PDZRN3: variants seen among roughly 807,000 people sequenced by gnomAD.
PDZRN3 encodes E3 ubiquitin-protein ligase PDZRN3.
PDZRN3 carries 38 observed loss-of-function variants against 85.7 expected under a neutral mutation model. That is an observed-to-expected ratio of 0.44 (90% CI 0.34 to 0.58). The LOEUF is 0.58. Among genes scored for constraint, PDZRN3 ranks in the 20% least tolerant of loss-of-function variants. The pLI, the probability that PDZRN3 is intolerant of heterozygous loss-of-function variation, is 0.01. For missense variants in PDZRN3, 1,629 were observed against 1,506.4 expected (o/e 1.08, Z -1.35); for synonymous variants, 759 against 638.0 (o/e 1.19, Z -2.86).
intron 3 of PDZRN3, among the ~76,000 whole-genome samples, chr3:73,470,058 T>G (rs1367397913): frequency 6.6e-6 from 1 of 152,174 alleles, no homozygotes; most frequent in Non-Finnish European, 1.5e-5. Flanking sequence ...TATTAAATGT[T>G]CCTTGGGGGC....
intron 3 of PDZRN3, among the ~76,000 whole-genome samples, chr3:73,503,957 C>T (rs1331117355): frequency 1.3e-5 from 2 of 152,120 alleles, no homozygotes; most frequent in African/African-American, 2.4e-5. Context: ...CGTAACTCAG[C>T]GAAACAGAAA....
At chr3:73,600,337 A>ACTCTCTCTCTCTCTCTCTCT (rs1553706426) in intron 3 of PDZRN3, among the ~76,000 whole-genome samples, 3 of 100,052 alleles carry the variant, frequency 3.0e-5, no homozygotes, top group African/African-American at 8.6e-5. Context: ...ACACACACAC[A>ACTCTCTCTCTCTCTCTCTCT]CTCTCTCTCT....
chr3:73,449,769 T>C (rs919414645), intron 3 of PDZRN3, among the ~76,000 whole-genome samples: 4 of 152,256 alleles, frequency 2.6e-5, no homozygotes, highest in African/African-American at 7.2e-5. Context: ...TTTATTCTTA[T>C]GGCACAGGCT....
chr3:73,551,853 TTTTA>T (rs1387166290), intron 3 of PDZRN3, among the ~76,000 whole-genome samples: 1 of 152,028 alleles, frequency 6.6e-6, no homozygotes, highest in Non-Finnish European at 1.5e-5. Context: ...CTGCATGTGA[TTTTA>T]TTTATTTTTC....
At chr3:73,441,142 C>T (rs896598843) in intron 3 of PDZRN3, among the ~76,000 whole-genome samples, 1 of 152,028 alleles carries the variant, frequency 6.6e-6, no homozygotes. Flanking sequence ...CGGCTGGGAG[C>T]GGTGGCTCAC....
At chr3:73,418,937 A>G (rs548399636) in intron 3 of PDZRN3, among the ~76,000 whole-genome samples, 2 of 152,308 alleles carry the variant, frequency 1.3e-5, no homozygotes, top group African/African-American at 4.8e-5. Context: ...ACAGTTCTGA[A>G]ATCTTTTCTT....
intron 3 of PDZRN3, among the ~76,000 whole-genome samples, chr3:73,586,137 A>G (rs1182826323): frequency 6.6e-6 from 1 of 152,254 alleles, no homozygotes; most frequent in East Asian, 1.9e-4. Context: ...TTTTTTAAAA[A>G]GAGCAAAATC....
At chr3:73,453,414 A>C (rs1278967937) in intron 3 of PDZRN3, among the ~76,000 whole-genome samples, 2,794 of 136,570 alleles carry the variant, frequency 0.02, 86 homozygotes, top group African/African-American at 0.067. Context: ...CAAAAAAAAA[A>C]AAAAAAAAAC....
intron 3 of PDZRN3, among the ~76,000 whole-genome samples, chr3:73,528,908 A>G (rs962825400): frequency 1.3e-5 from 2 of 150,908 alleles, no homozygotes; most frequent in Admixed American, 6.6e-5. Flanking sequence ...ACACACACAC[A>G]CACACACACG....
At chr3:73,473,149 G>A (rs1169633037) in intron 3 of PDZRN3, among the ~76,000 whole-genome samples, 1 of 152,154 alleles carries the variant, frequency 6.6e-6, no homozygotes, top group Non-Finnish European at 1.5e-5. Flanking sequence ...AGTGAACTCT[G>A]TGTATATATT....
At chr3:73,554,971 C>T (rs558831670) in intron 3 of PDZRN3, among the ~76,000 whole-genome samples, 2 of 152,214 alleles carry the variant, frequency 1.3e-5, no homozygotes, top group Non-Finnish European at 2.9e-5. Context: ...CCCTCAGTGG[C>T]AGGGAAGGGA....
intron 3 of PDZRN3, among the ~76,000 whole-genome samples, chr3:73,561,294 C>A (rs1701809241): frequency 6.6e-6 from 1 of 152,208 alleles, no homozygotes; most frequent in Non-Finnish European, 1.5e-5. Flanking sequence ...ACCTTTCAAC[C>A]ATTAGGGCTC....
chr3:73,540,080 G>A (rs1704879557), intron 3 of PDZRN3, among the ~76,000 whole-genome samples: 1 of 85,306 alleles, frequency 1.2e-5, no homozygotes, highest in Non-Finnish European at 2.1e-5. Context: ...TCTGAAAACT[G>A]TTGGATGAAA....
At chr3:73,610,054 C>T (rs577243110) in intron 1 of PDZRN3, among the ~76,000 whole-genome samples, 9 of 152,280 alleles carry the variant, frequency 5.9e-5, no homozygotes, top group Admixed American at 1.3e-4. Context: ...CCCTTTCTCA[C>T]GAGTAGTTAT....
In PDZRN3 at chr3:73,383,430, G is replaced by A. The variant is rs748499778; in HGVS notation, c.3136C>T (p.His1046Tyr). 3 of 1,614,010 alleles carry A rather than the reference G, an allele frequency of 1.9e-6. No homozygotes were observed. The South Asian group carries it at 3.3e-5, about 18-fold the overall frequency. Residue 1046 changes from histidine to tyrosine, a missense_variant, in exon 10 of 10, where the codon CAC becomes TAC. By Grantham distance (83) the His-to-Tyr change is moderately conservative. Transcript: ENST00000263666. ...NWMTIQELLT[H>Y]GTKSPDGTRV... ...GTGCCGTCCGGGGATTTTGTGCCGT[G>A]GGTTAAGAGTTCTTGGATCGTCATC...
intron 3 of PDZRN3, among the ~76,000 whole-genome samples, chr3:73,472,117 A>C: frequency 6.6e-6 from 1 of 152,232 alleles, no homozygotes; most frequent in Non-Finnish European, 1.5e-5. Flanking sequence ...TAGCAAAGCA[A>C]TGCAGAAAAC....
intron 3 of PDZRN3, among the ~76,000 whole-genome samples, chr3:73,517,680 C>T (rs1000896051): frequency 6.6e-6 from 1 of 152,124 alleles, no homozygotes; most frequent in African/African-American, 2.4e-5. Flanking sequence ...CTGTAATTTA[C>T]ACATCTGCTT....
intron 3 of PDZRN3, among the ~76,000 whole-genome samples, chr3:73,542,324 T>C (rs1313908180): frequency 6.6e-6 from 1 of 152,194 alleles, no homozygotes; most frequent in African/African-American, 2.4e-5. Flanking sequence ...ATGGTTGCCA[T>C]GAGCAACGGC....
chr3:73,515,114 G>A (rs1704233216), intron 3 of PDZRN3, among the ~76,000 whole-genome samples: 1 of 151,000 alleles, frequency 6.6e-6, no homozygotes, highest in South Asian at 2.1e-4. Context: ...CAAAAGCCTA[G>A]GTGTCCTTTT....
Sources: allele counts gnomAD v4.1 joint callset (sites outside exome capture counted in the v4.1 genomes callset), GRCh38; gene constraint gnomAD v4.1.1; transcripts MANE v1.5; gene names NCBI Gene and HGNC (gene_info 2026-07-23, HGNC 2026-07-21).